CFAP97: variants seen among roughly 807,000 people sequenced by gnomAD.
The protein encoded by CFAP97 is cilia and flagella associated protein 97, also known as cilia- and flagella-associated protein 97.
A neutral mutation model predicts 43.1 loss-of-function variants in CFAP97; 36 were observed. The ratio of observed to expected loss-of-function variants is 0.84; its 90% CI spans 0.64 to 1.10. The LOEUF (loss-of-function observed/expected upper bound fraction) is 1.10. CFAP97 is among the 50% of genes least tolerant of loss of function. CFAP97 has a pLI of 0.00. For missense variants in CFAP97, 657 were observed against 620.3 expected, an observed-to-expected ratio of 1.06 and a Z score of -0.63; for synonymous variants, 228 against 225.7, an observed-to-expected ratio of 1.01 and a Z score of -0.09.
At chr4:185,201,988 C>T (rs1579273617) in intron 1 of CFAP97, among the ~76,000 whole-genome samples, 1 of 152,158 alleles carries the variant, frequency 6.6e-6, no homozygotes, top group Non-Finnish European at 1.5e-5. Context: ...GTTAATCTGC[C>T]TTACAGCCCC....
intron 3 of CFAP97, among the ~76,000 whole-genome samples, chr4:185,166,959 C>T (rs1391281639): frequency 6.7e-6 from 1 of 149,326 alleles, no homozygotes; most frequent in African/African-American, 2.4e-5. Context: ...CATTAACTTT[C>T]TTAAAACATT....
chr4:185,189,822 G>A lies in CFAP97; in HGVS notation c.1054+321C>T, dbSNP rs368217217. ...TTAAAGAAGAAAGTGAAATATGTCC[G>A]TGTCTCTATCAAAAGTGGAAAAACA... On this transcript the variant is annotated intron_variant, in intron 2 of 4. Coordinates refer to ENST00000458385, the MANE Select transcript of CFAP97 (RefSeq NM_020827.3). 1.6e-4 allele frequency among the ~76,000 whole-genome samples: 25 copies of A among 152,236 alleles called. No homozygotes were observed. The South Asian group carries it at 4.6e-3, about 28-fold the overall frequency.
At chr4:185,186,489 G>A (rs1736011065) in intron 2 of CFAP97, among the ~76,000 whole-genome samples, 1 of 152,090 alleles carries the variant, frequency 6.6e-6, no homozygotes, top group African/African-American at 2.4e-5. Flanking sequence ...AAATCCACAA[G>A]TAACTGAAAA....
chr4:185,162,908 T>G lies in CFAP97; in HGVS notation c.1489A>C (p.Ser497Arg). Residue 497 changes from serine (S) to arginine (R), a missense_variant, in exon 5 of 5, where the codon AGT (serine) becomes CGT (arginine). Coordinates refer to ENST00000458385, the MANE Select transcript of CFAP97 (RefSeq NM_020827.3). ...YSPLRASRTS[S>R]ATSGLSCRSE... ...CTACAACTGAGACCACTCGTAGCAC[T>G]GGATGTCCTGGAAGCTCCTGAAAAT... 1 of 1,577,546 alleles carries G rather than the reference T, an allele frequency of 6.3e-7. No individual in the cohort carries two copies. Among genetic ancestry groups the G allele is most frequent in the South Asian group, 1.2e-5 (1 of 84,528 alleles).
chr4:185,178,240 C>CTTTTT (rs562452947), intron 2 of CFAP97, among the ~76,000 whole-genome samples: 4 of 64,234 alleles, frequency 6.2e-5, no homozygotes, highest in African/African-American at 1.1e-4. Context: ...CGGTTTTTGT[C>CTTTTT]TTTTTTTTTT....
chr4:185,187,495 C>T (rs1255768991), intron 2 of CFAP97, among the ~76,000 whole-genome samples: 2 of 151,148 alleles, frequency 1.3e-5, no homozygotes, highest in Non-Finnish European at 2.9e-5. Context: ...GTAAAGCTCC[C>T]AAAGATAGAT....
At chr4:185,164,884 A>C (rs1481595947) in intron 3 of CFAP97, among the ~76,000 whole-genome samples, 1 of 152,214 alleles carries the variant, frequency 6.6e-6, no homozygotes, top group Admixed American at 6.5e-5. Context: ...CACATATGGA[A>C]GCTACTACAG....
At chr4:185,173,945 G>A (rs969872145) in intron 3 of CFAP97, among the ~76,000 whole-genome samples, 9 of 152,038 alleles carry the variant, frequency 5.9e-5, no homozygotes, top group African/African-American at 1.7e-4. Context: ...ATGTGTACAC[G>A]TTAAATGGGT....
At chr4:185,197,857 C>T (rs1207948696) in intron 1 of CFAP97, among the ~76,000 whole-genome samples, 2 of 152,156 alleles carry the variant, frequency 1.3e-5, no homozygotes, top group Non-Finnish European at 2.9e-5. Context: ...AGGCCAAAAG[C>T]TAGGCCTCTT....
At chr4:185,170,041 T>A (rs1735233764) in intron 3 of CFAP97, 1 of 1,176,570 alleles carries the variant, frequency 8.5e-7, no homozygotes, top group Non-Finnish European at 1.0e-6. Context: ...TTATTCCACA[T>A]AAGAGTTCTG....
chr4:185,172,838 A>G (rs1182919222), intron 3 of CFAP97, among the ~76,000 whole-genome samples: 1 of 141,130 alleles, frequency 7.1e-6, no homozygotes, highest in East Asian at 2.1e-4. Flanking sequence ...ACAAAGTGAG[A>G]TCCCATCTCT....
chr4:185,162,455 C>A lies in CFAP97; in HGVS notation c.*343G>T, dbSNP rs1025157880. The A allele has an allele frequency of 4.8e-6, 1 of 208,900 alleles. No homozygotes were observed. Among genetic ancestry groups the A allele is most frequent in the Non-Finnish European group, 8.9e-6 (1 of 112,032 alleles). The allele number at this position is 208,900 out of a possible 1,614,324, so 12.9% of individuals were successfully genotyped here. ...CACTTATAAAGAAATGAAAATAACA[C>A]AAATTGAAAACTATAGTGACCATCT... On this transcript the variant is annotated 3_prime_UTR_variant, in exon 5 of 5. Transcript: ENST00000458385.
intron 2 of CFAP97, among the ~76,000 whole-genome samples, chr4:185,180,453 CT>C (rs1420122035): frequency 6.6e-6 from 1 of 152,164 alleles, no homozygotes; most frequent in Non-Finnish European, 1.5e-5. Context: ...CCTCTGGAAG[CT>C]TTGTCTCTAT....
chr4:185,198,605 A>C (rs578204400), intron 1 of CFAP97, among the ~76,000 whole-genome samples: 42 of 151,676 alleles, frequency 2.8e-4, no homozygotes, highest in Admixed American at 5.3e-4. Context: ...GCCTGACCAA[A>C]ATGGTGAAAC....
Position 185,162,853 on chromosome 4 carries a change from C to G in CFAP97, c.1544G>C (p.Ser515Thr). 2 of 1,612,620 alleles carry G rather than the reference C, an allele frequency of 1.2e-6. No individual in the cohort carries two copies. Among genetic ancestry groups the G allele is most frequent in the Non-Finnish European group, 1.7e-6 (2 of 1,179,438 alleles). ...TTTAGGTCTTCTTCGAGGGTGGCCACTGGAGGGGTCAACCGCTGATCGCTC... is the reference window on the plus strand; with the variant it reads ...TTTAGGTCTTCTTCGAGGGTGGCCAGTGGAGGGGTCAACCGCTGATCGCTC... ...RSERSAVDPS[S>T]GHPRRRPKPP... is the part of the protein sequence containing the mutation. Residue 515 changes from serine (S) to threonine (T), a missense_variant, in exon 5 of 5, where the codon AGT becomes ACT. Coordinates refer to ENST00000458385, the MANE Select transcript of CFAP97 (RefSeq NM_020827.3).
chr4:185,198,508 A>G (rs555979943), intron 1 of CFAP97, among the ~76,000 whole-genome samples: 4 of 151,922 alleles, frequency 2.6e-5, no homozygotes, highest in Non-Finnish European at 4.4e-5. Flanking sequence ...GTACAAGGTA[A>G]GCCAGGCATG....
intron 3 of CFAP97, among the ~76,000 whole-genome samples, chr4:185,174,379 T>A (rs1196796731): frequency 6.6e-6 from 1 of 152,238 alleles, no homozygotes; most frequent in Admixed American, 6.5e-5. Flanking sequence ...CTTAGTTATC[T>A]GTTCCTTGCC....
intron 4 of CFAP97, 77 bp downstream of exon 4, chr4:185,163,952 C>T: frequency 7.4e-7 from 1 of 1,345,332 alleles, no homozygotes; most frequent in Non-Finnish European, 1.0e-6. Flanking sequence ...AAAACTCTAT[C>T]ATAATAACAT....
chr4:185,167,118 AGT>A (rs374151986), intron 3 of CFAP97, among the ~76,000 whole-genome samples: 236 of 152,296 alleles, frequency 1.5e-3, no homozygotes, highest in African/African-American at 4.7e-3. Flanking sequence ...CAAAATCAAA[AGT>A]GTATGCATTT....
Sources: gnomAD v4.1 joint callset for allele counts (sites outside exome capture counted in the v4.1 genomes callset) on GRCh38, gnomAD v4.1.1 for gene constraint, MANE v1.5 for transcripts, NCBI Gene and HGNC (gene_info 2026-07-23, HGNC 2026-07-21) for gene names.